The following GPC6 variants were observed in gnomAD, a reference collection of about 807,000 sequenced individuals.
GPC6 encodes glypican-6.
GPC6 carries 14 observed loss-of-function variants against 55.2 expected under a neutral mutation model. The ratio of observed to expected loss-of-function variants is 0.25; its 90% confidence interval spans 0.17 to 0.40. The LOEUF (loss-of-function observed/expected upper bound fraction) is 0.40. Ranked by LOEUF, GPC6 falls within the 10% of genes least tolerant of loss-of-function variation. The pLI is 1.00. For missense variants in GPC6, 641 were observed against 708.5 expected (o/e 0.90, Z 1.08); for synonymous variants, 278 against 259.6 (o/e 1.07, Z -0.68).
At chr13:93,500,859 G>C (rs888838835) in intron 1 of GPC6, among the ~76,000 whole-genome samples, 2 of 152,090 alleles carry the variant, frequency 1.3e-5, no homozygotes, top group African/African-American at 4.8e-5. Context: ...CTCTCCCACA[G>C]GAAAGCCTTG....
chr13:93,788,532 C>T (rs1885887187), intron 2 of GPC6, among the ~76,000 whole-genome samples: 1 of 151,548 alleles, frequency 6.6e-6, no homozygotes, highest in South Asian at 2.1e-4. Flanking sequence ...CACACACACA[C>T]ACACACACAC....
intron 2 of GPC6, among the ~76,000 whole-genome samples, chr13:93,691,674 A>C (rs1273066899): frequency 2.0e-5 from 3 of 152,050 alleles, no homozygotes; most frequent in Non-Finnish European, 4.4e-5. Flanking sequence ...TACATTATAC[A>C]ACTCTTGGTT....
intron 2 of GPC6, among the ~76,000 whole-genome samples, chr13:93,777,225 A>T (rs780688802): frequency 6.0e-4 from 92 of 152,140 alleles, no homozygotes; most frequent in Non-Finnish European, 2.2e-4. Context: ...GTTTTAATTT[A>T]ATTTCCCAAG....
chr13:93,990,180 T>C (rs1170203301), intron 3 of GPC6, among the ~76,000 whole-genome samples: 1 of 152,040 alleles, frequency 6.6e-6, no homozygotes, highest in Non-Finnish European at 1.5e-5. Flanking sequence ...CTCATTTCAT[T>C]AAATAAGAAC....
chr13:94,038,014 T>C (rs1305339837), intron 4 of GPC6, among the ~76,000 whole-genome samples: 1 of 152,004 alleles, frequency 6.6e-6, no homozygotes, highest in Non-Finnish European at 1.5e-5. Flanking sequence ...TGTAGTTGCA[T>C]GTGGCTGTTG....
intron 3 of GPC6, among the ~76,000 whole-genome samples, chr13:93,961,289 A>C (rs1357642523): frequency 6.6e-6 from 1 of 152,222 alleles, no homozygotes; most frequent in Non-Finnish European, 1.5e-5. Flanking sequence ...CAAACAATAA[A>C]ATAAACCTAT....
intron 2 of GPC6, among the ~76,000 whole-genome samples, chr13:93,646,228 C>T (rs754800256): frequency 1.2e-4 from 19 of 152,070 alleles, no homozygotes; most frequent in Non-Finnish European, 1.6e-4. Flanking sequence ...TAATTAATCA[C>T]ATTGATTAAT....
chr13:93,378,910 G>T (rs1048293625), intron 1 of GPC6, among the ~76,000 whole-genome samples: 1 of 150,768 alleles, frequency 6.6e-6, no homozygotes, highest in Non-Finnish European at 1.5e-5. Context: ...CAGGAGAATC[G>T]CATGAACCCA....
At position 94,378,701 on chromosome 13, in the gene GPC6, T is replaced by C. The variant is rs563662805; in HGVS notation, c.1153-3713T>C. ...ATGTTTGGATCAGTTTCCAGAGACA[T>C]AACAGTAGTTGTTGTTTAACTTCCA... On this transcript the variant is annotated intron_variant, in intron 6 of 8. Transcript: ENST00000377047. Among the ~76,000 whole-genome samples the C allele has an allele frequency of 8.5e-5, 13 of 152,336 alleles. No homozygotes were observed. The East Asian group carries it at 2.5e-3, about 29-fold the overall frequency.
At chr13:93,431,268 A>G (rs1877349028) in intron 1 of GPC6, among the ~76,000 whole-genome samples, 1 of 152,118 alleles carries the variant, frequency 6.6e-6, no homozygotes, top group Non-Finnish European at 1.5e-5. Context: ...TTTATGGTTT[A>G]TACCCTTAAG....
intron 1 of GPC6, among the ~76,000 whole-genome samples, chr13:93,426,579 A>G (rs1877137441): frequency 6.6e-6 from 1 of 151,804 alleles, no homozygotes; most frequent in East Asian, 1.9e-4. Context: ...ATCATTTTTT[A>G]TGGCTGCATA....
intron 2 of GPC6, among the ~76,000 whole-genome samples, chr13:93,709,407 AT>A (rs570908478): frequency 1.2e-4 from 18 of 150,480 alleles, no homozygotes; most frequent in African/African-American, 2.9e-4. Context: ...AACCTTACAT[AT>A]TTTTTTTTGC....
At position 93,469,366 on chromosome 13, in the gene GPC6, A is replaced by G. The variant is rs939735336; in HGVS notation, c.161-75897A>G. 3.9e-5 allele frequency among the ~76,000 whole-genome samples: 6 copies of G among 152,194 alleles called. No homozygotes were observed. The South Asian group carries it at 6.2e-4, about 16-fold the overall frequency. ...TAAACATCATTATATTCAGGATATG[A>G]TACAAGATAAAAGTCCTTTGCTGGA... On this transcript the variant is annotated intron_variant, in intron 1 of 8. Coordinates refer to ENST00000377047, the MANE Select transcript of GPC6 (RefSeq NM_005708.5).
chr13:93,376,187 T>C (rs1396079849), intron 1 of GPC6, among the ~76,000 whole-genome samples: 1 of 152,006 alleles, frequency 6.6e-6, no homozygotes, highest in Non-Finnish European at 1.5e-5. Context: ...AGGAGACCCC[T>C]TCATGGAATA....
chr13:94,315,845 G>A (rs1876491465), intron 6 of GPC6, among the ~76,000 whole-genome samples: 1 of 152,144 alleles, frequency 6.6e-6, no homozygotes, highest in African/African-American at 2.4e-5. Flanking sequence ...AACACTTTAG[G>A]GCAAACTTGT....
chr13:93,916,630 T>G (rs760212100), intron 3 of GPC6, among the ~76,000 whole-genome samples: 3 of 152,040 alleles, frequency 2.0e-5, no homozygotes, highest in Non-Finnish European at 4.4e-5. Context: ...TGAAAGCAGA[T>G]TTTTTTTCTG....
chr13:93,316,743 T>G (rs1879261125), intron 1 of GPC6, among the ~76,000 whole-genome samples: 1 of 152,124 alleles, frequency 6.6e-6, no homozygotes, highest in African/African-American at 2.4e-5. Flanking sequence ...GTATTTTACT[T>G]TGATAAATCA....
intron 1 of GPC6, among the ~76,000 whole-genome samples, chr13:93,538,939 T>TTA (rs989809696): frequency 5.9e-5 from 9 of 152,076 alleles, no homozygotes; most frequent in East Asian, 3.9e-4. Flanking sequence ...TTTTTTTTTT[T>TTA]TTATTATACT....
At chr13:93,413,992 T>C (rs1201993265) in intron 1 of GPC6, among the ~76,000 whole-genome samples, 1 of 152,200 alleles carries the variant, frequency 6.6e-6, no homozygotes, top group East Asian at 1.9e-4. Context: ...AATATACTGA[T>C]GTTGGCAACT....
Sources: gnomAD v4.1 joint callset for allele counts (sites outside exome capture counted in the v4.1 genomes callset) on GRCh38, gnomAD v4.1.1 for gene constraint, MANE v1.5 for transcripts, NCBI Gene and HGNC (gene_info 2026-07-23, HGNC 2026-07-21) for gene names.